The following DLGAP1 variants were observed in gnomAD, a reference collection of about 807,000 sequenced individuals.
DLGAP1 encodes DLG associated protein 1, also known as disks large-associated protein 1.
A neutral mutation model predicts 90.8 loss-of-function variants in DLGAP1; 11 were observed. The observed-to-expected ratio is 0.12, with a 90% CI of 0.08 to 0.20. The LOEUF is 0.20. Among genes scored for constraint, DLGAP1 ranks in the 10% least tolerant of loss-of-function variants. The pLI, the probability that DLGAP1 is intolerant of heterozygous loss-of-function variation, is 1.00. For synonymous variants in DLGAP1, 558 were observed against 540.7 expected (o/e 1.03, Z -0.44); for missense variants, 1,050 against 1,333.8 (o/e 0.79, Z 3.31).
chr18:4,166,356 A>T, intron 1 of DLGAP1, among the ~76,000 whole-genome samples: 2 of 151,934 alleles, frequency 1.3e-5, no homozygotes, highest in Middle Eastern at 6.8e-3. Flanking sequence ...GCTGTTATAA[A>T]ATATATATAT....
At chr18:4,222,814 G>T (rs1388383166) in intron 1 of DLGAP1, among the ~76,000 whole-genome samples, 1 of 151,512 alleles carries the variant, frequency 6.6e-6, no homozygotes, top group Non-Finnish European at 1.5e-5. Flanking sequence ...CAAAAATGTG[G>T]GTAAACTGAT....
chr18:4,120,161 TA>T (rs1335192339), intron 2 of DLGAP1, among the ~76,000 whole-genome samples: 15 of 152,208 alleles, frequency 9.9e-5, no homozygotes, highest in Admixed American at 9.8e-4. Flanking sequence ...AGGAGACCTT[TA>T]AAAACCATCC....
Position 4,084,413 on chromosome 18 carries a change from T to C in DLGAP1, c.-159+66767A>G, listed in dbSNP as rs1160616737. On this transcript the variant is annotated intron_variant, in intron 2 of 12. Coordinates refer to ENST00000315677, the MANE Select transcript of DLGAP1 (RefSeq NM_004746.4). This position sits in a 1 kb window ranked among gnomAD's most constrained non-coding sequence, Gnocchi z 4.0. ...AGAACAAGGGCCAGATAATAGCCTCTTGGCATACTTAATATTTTAAGCTGA... is the reference window on the plus strand; with the variant it reads ...AGAACAAGGGCCAGATAATAGCCTCCTGGCATACTTAATATTTTAAGCTGA... Among the ~76,000 whole-genome samples, 1 of 152,206 alleles carries C rather than the reference T, an allele frequency of 6.6e-6. No individual in the cohort carries two copies. Among genetic ancestry groups the C allele is most frequent in the Non-Finnish European group, 1.5e-5 (1 of 68,032 alleles).
intron 1 of DLGAP1, among the ~76,000 whole-genome samples, chr18:4,320,986 T>C (rs945427256): frequency 6.6e-6 from 1 of 152,200 alleles, no homozygotes; most frequent in Non-Finnish European, 1.5e-5. Context: ...TTTGAGTAAA[T>C]ATCTCTAAGT....
Position 3,601,846 on chromosome 18 carries a change from G to GAAAAAAAAAAAA in DLGAP1, c.1592-19610_1592-19599dup, listed in dbSNP as rs60470269. ...GGTGACAGAGCGAGACTCCATCTCGGAAAAAAAAAAAAATTAGCTGGGCGT... is the reference window on the plus strand; with the variant it reads ...GGTGACAGAGCGAGACTCCATCTCGGAAAAAAAAAAAAAAAAAAAAAAAAATTAGCTGGGCGT... On this transcript the variant is annotated intron_variant, in intron 7 of 12. Coordinates refer to ENST00000315677, the MANE Select transcript of DLGAP1 (RefSeq NM_004746.4). 2.6e-4 allele frequency among the ~76,000 whole-genome samples: 25 copies of GAAAAAAAAAAAA among 96,966 alleles called. 1 individual carries two copies. Among genetic ancestry groups the GAAAAAAAAAAAA allele is most frequent in the African/African-American group, 6.7e-4 (14 of 21,004 alleles). The allele number at this position is 96,966 out of a possible 152,430, so 63.6% of individuals were successfully genotyped here.
chr18:4,119,405 T>C (rs192020356), intron 2 of DLGAP1, among the ~76,000 whole-genome samples: 2 of 152,322 alleles, frequency 1.3e-5, no homozygotes, highest in Non-Finnish European at 2.9e-5. Flanking sequence ...ATCTCAGTAT[T>C]TTAAATAACA....
chr18:3,999,005 AT>A (rs1164194819), intron 3 of DLGAP1, among the ~76,000 whole-genome samples: 2 of 152,136 alleles, frequency 1.3e-5, no homozygotes, highest in Non-Finnish European at 2.9e-5. Flanking sequence ...TTTAAATTGA[AT>A]TTTGCTTTGT....
Position 3,644,404 on chromosome 18 carries a change from T to C in DLGAP1, c.1592-62156A>G, listed in dbSNP as rs184705186. 5.8e-3 allele frequency among the ~76,000 whole-genome samples: 878 copies of C among 151,372 alleles called. 8 individuals are homozygous for C. The highest frequency in any genetic ancestry group is 0.019 in the South Asian group (90 of 4,812). ...ATATGTTTACAATACTATTTTATTTTATTTATTTATTTATTTATTTATTGA... is the reference window on the plus strand; with the variant it reads ...ATATGTTTACAATACTATTTTATTTCATTTATTTATTTATTTATTTATTGA... On this transcript the variant is annotated intron_variant, in intron 7 of 12. Transcript: ENST00000315677.
At chr18:4,222,413 C>T (rs540577283) in intron 1 of DLGAP1, among the ~76,000 whole-genome samples, 1 of 152,068 alleles carries the variant, frequency 6.6e-6, no homozygotes, top group Non-Finnish European at 1.5e-5. Context: ...CACCAAAATT[C>T]CCAGCATGAT....
chr18:3,977,917 G>A (rs377606531), intron 3 of DLGAP1: 27 of 358,188 alleles, frequency 7.5e-5, no homozygotes, highest in African/African-American at 2.8e-4. Context: ...TGACCAACAC[G>A]TTGGTGGTGG....
rs999683878 is a variant in DLGAP1, at chr18:3,700,980, G to A, written c.1591+28155C>T. The stretch of plus-strand genomic sequence containing the variant: ...TGCAGCCTTGACCTCCTGGGCTTAC[G>A]TGATCCTCCTGCTTCAGCCTCCTTA... On this transcript the variant is annotated intron_variant, in intron 7 of 12. Transcript: ENST00000315677. 3.9e-5 allele frequency among the ~76,000 whole-genome samples: 6 copies of A among 152,186 alleles called. No homozygotes were observed. In the East Asian group the frequency reaches 9.6e-4, roughly 24 times the overall value.
rs559173438 is a variant in DLGAP1 at position 4,098,145 on chromosome 18, C to T, written c.-159+53035G>A. ...CCTAGGCTGGTCTCCACCTCTTGGG[C>T]TCAAGTGATCCTCCTGTCTCGGCCT... On this transcript the variant is annotated intron_variant, in intron 2 of 12. Coordinates refer to ENST00000315677, the MANE Select transcript of DLGAP1 (RefSeq NM_004746.4). Among the ~76,000 whole-genome samples, 92 of 152,288 alleles carry T rather than the reference C, an allele frequency of 6.0e-4. 1 individual carries two copies. The highest frequency in any genetic ancestry group is 1.9e-3 in the African/African-American group (79 of 41,562).
At position 4,188,242 on chromosome 18, in the gene DLGAP1, G is replaced by T. The variant is rs575123032; in HGVS notation, c.-266-36955C>A. ...TTATCTCTATTTATTTGATAATTCAGTCGTTCTAGAATCCACTCATTTATT... is the reference window on the plus strand; with the variant it reads ...TTATCTCTATTTATTTGATAATTCATTCGTTCTAGAATCCACTCATTTATT... On this transcript the variant is annotated intron_variant, in intron 1 of 12. Transcript: ENST00000315677. Among the ~76,000 whole-genome samples the T allele has an allele frequency of 3.3e-3, 500 of 152,064 alleles. 4 individuals are homozygous for T. The highest frequency in any genetic ancestry group is 0.011 in the African/African-American group (449 of 41,454).
At chr18:3,835,301 C>T (rs373592740) in intron 4 of DLGAP1, among the ~76,000 whole-genome samples, 13 of 152,246 alleles carry the variant, frequency 8.5e-5, no homozygotes, top group African/African-American at 3.1e-4. Context: ...CCATATTTAC[C>T]ATTTACATTA....
At chr18:4,436,475 T>C (rs2083400676) in intron 1 of DLGAP1, among the ~76,000 whole-genome samples, 1 of 152,136 alleles carries the variant, frequency 6.6e-6, no homozygotes, top group Non-Finnish European at 1.5e-5. Flanking sequence ...ATGTTGCTGG[T>C]CCAGAACCCA....
chr18:4,329,888 T>C (rs947633836), intron 1 of DLGAP1, among the ~76,000 whole-genome samples: 2 of 151,994 alleles, frequency 1.3e-5, no homozygotes, highest in African/African-American at 4.8e-5. Flanking sequence ...GCAGACCCCA[T>C]AAAACGAGGT....
intron 1 of DLGAP1, among the ~76,000 whole-genome samples, chr18:4,254,382 GTA>G (rs66698146): frequency 0.07 from 10,662 of 152,238 alleles, 556 homozygotes; most frequent in African/African-American, 0.15. Context: ...CCCAAAGAAA[GTA>G]AGTATCATGC....
intron 1 of DLGAP1, among the ~76,000 whole-genome samples, chr18:4,262,518 T>C (rs967961890): frequency 1.3e-5 from 2 of 152,222 alleles, no homozygotes; most frequent in Non-Finnish European, 2.9e-5. Flanking sequence ...TGACACTAAA[T>C]TAAATGATTG....
intron 2 of DLGAP1, among the ~76,000 whole-genome samples, chr18:4,068,469 T>G (rs1258714291): frequency 6.6e-6 from 1 of 151,954 alleles, no homozygotes; most frequent in Non-Finnish European, 1.5e-5. Context: ...ATAACTTTAG[T>G]CTTCTGATTT....
Sources: gnomAD v4.1 joint callset for allele counts (sites outside exome capture counted in the v4.1 genomes callset) on GRCh38, gnomAD v4.1.1 for gene constraint, Gnocchi (gnomAD v3.1) non-coding constraint, MANE v1.5 for transcripts, NCBI Gene and HGNC (gene_info 2026-07-23, HGNC 2026-07-21) for gene names.